The following ANKMY1 variants were observed in gnomAD, a reference collection of about 807,000 sequenced individuals.
ANKMY1 encodes the protein ankyrin repeat and MYND domain-containing protein 1.
ANKMY1 carries 98 observed loss-of-function variants against 102.0 expected under a neutral mutation model. The ratio of observed to expected loss-of-function variants is 0.96; its 90% CI spans 0.82 to 1.14. The LOEUF (loss-of-function observed/expected upper bound fraction) is 1.14, where lower values mean the gene tolerates loss of function less well. Ranked by LOEUF, ANKMY1 falls within the 50% of genes most tolerant of loss-of-function variation. ANKMY1 has a pLI of 0.00. For synonymous variants in ANKMY1, 582 were observed against 559.9 expected, an observed-to-expected ratio of 1.04 and a Z score of -0.56; for missense variants, 1,330 against 1,347.6, an observed-to-expected ratio of 0.99 and a Z score of 0.20.
In ANKMY1 at chr2:240,500,137, C is replaced by T; in HGVS notation, c.2641-14G>A. On this transcript the variant is annotated splice_polypyrimidine_tract_variant and intron_variant, in intron 14 of 17. Transcript: ENST00000401804. The stretch of plus-strand genomic sequence containing the variant: ...AATCCTCCGGTCCTGCGGCACAGCA[C>T]CAGGGTCACCACAGGGTCCCGGGCC... 2 of 1,580,896 alleles carry T rather than the reference C, an allele frequency of 1.3e-6. No individual in the cohort carries two copies. Among genetic ancestry groups the T allele is most frequent in the African/African-American group, 1.3e-5 (1 of 74,250 alleles).
At chr2:240,541,502 C>CT (rs556472606) in intron 4 of ANKMY1, among the ~76,000 whole-genome samples, 2,192 of 125,520 alleles carry the variant, frequency 0.017, 65 homozygotes, top group Admixed American at 0.042. Flanking sequence ...TATGTTGTTG[C>CT]TTTTTTTTTT....
At position 240,533,152 on chromosome 2, in the gene ANKMY1, T is replaced by A. The variant is rs570342791; in HGVS notation, c.481-3643A>T. Reference sequence around the variant, plus strand: ...CTAGAATTAGTGTATCAAGAATGCATGCTGTAATTTTTAGGGTGTTGCTAA... The same window carrying A: ...CTAGAATTAGTGTATCAAGAATGCAAGCTGTAATTTTTAGGGTGTTGCTAA... On this transcript the variant is annotated intron_variant, in intron 4 of 17. Coordinates refer to ENST00000401804, the MANE Select transcript of ANKMY1 (RefSeq NM_001282771.3). Among the ~76,000 whole-genome samples the A allele has an allele frequency of 3.7e-3, 568 of 152,374 alleles. 1 individual carries two copies. The highest frequency in any genetic ancestry group is 7.5e-3 in the Admixed American group (115 of 15,310).
chr2:240,529,405 G>A lies in ANKMY1; in HGVS notation c.585C>T (p.Cys195=). ...GGGAGAAGCCACTGGGGATCTGGGT[G>A]CACAGCTTGATGAGCTGCTCTCGGA... The part of the protein sequence containing the change: ...LWFREQLIKL[C]TQIPSGFSLL... The change falls in exon 5 of 18, where the codon TGC becomes TGT. Residue 195 remains cysteine (C), a synonymous_variant. Coordinates refer to ENST00000401804, the MANE Select transcript of ANKMY1 (RefSeq NM_001282771.3). The surrounding 1 kb of genome is among the most constrained non-coding windows in gnomAD (Gnocchi z 4.2). The A allele has an allele frequency of 6.2e-7, 1 of 1,614,162 alleles. No homozygotes were observed. Among genetic ancestry groups the A allele is most frequent in the Non-Finnish European group, 8.5e-7 (1 of 1,180,040 alleles).
chr2:240,516,958 C>G (rs538828140), intron 9 of ANKMY1, among the ~76,000 whole-genome samples: 41 of 152,278 alleles, frequency 2.7e-4, no homozygotes, highest in African/African-American at 8.9e-4. Context: ...GAAAGCTTTT[C>G]TCTTTTAAGC....
intron 9 of ANKMY1, chr2:240,519,637 G>A (rs575871402): frequency 1.3e-5 from 2 of 153,514 alleles, no homozygotes; most frequent in African/African-American, 4.8e-5. Flanking sequence ...CAGGAATCTG[G>A]GGCCAAGCAC....
In ANKMY1 at chr2:240,506,484, A is replaced by T. The variant is rs2152111817; in HGVS notation, c.2526+1076T>A. On this transcript the variant is annotated intron_variant, in intron 13 of 17. Coordinates refer to ENST00000401804, the MANE Select transcript of ANKMY1 (RefSeq NM_001282771.3). This position sits in a 1 kb window ranked among gnomAD's most constrained non-coding sequence, Gnocchi z 4.9. ...ACAGAACAGGGTCTTAGGAAGAAGG[A>T]CAGGAGACTTAAAATCAGATCTGGA... is the stretch of plus-strand genomic sequence containing the variant. Among the ~76,000 whole-genome samples the T allele has an allele frequency of 6.6e-6, 1 of 152,306 alleles. No individual in the cohort carries two copies. Among genetic ancestry groups the T allele is most frequent in the Non-Finnish European group, 1.5e-5 (1 of 68,026 alleles).
chr2:240,490,197 T>C (rs1026105770), intron 15 of ANKMY1, among the ~76,000 whole-genome samples: 2 of 152,222 alleles, frequency 1.3e-5, no homozygotes, highest in African/African-American at 4.8e-5. Context: ...TACCAGTTTA[T>C]CAATCTTGTT....
chr2:240,480,955 C>T lies in ANKMY1; in HGVS notation c.3028G>A (p.Gly1010Arg), dbSNP rs752297570. ...AWTEFHKKDC[G>R]DLVAIVTQLE... Reference sequence around the variant, plus strand: ...GACCTACCGATGGCCACCAGGTCCCCGCAGTCCTTCTTGTGGAACTCGGTC... The same window carrying T: ...GACCTACCGATGGCCACCAGGTCCCTGCAGTCCTTCTTGTGGAACTCGGTC... The change falls in exon 17 of 18, where the codon GGG (glycine) becomes AGG (arginine). Residue 1010 changes from glycine to arginine, a missense_variant. Coordinates refer to ENST00000401804, the MANE Select transcript of ANKMY1 (RefSeq NM_001282771.3). The T allele has an allele frequency of 1.9e-5, 31 of 1,611,664 alleles. No individual in the cohort carries two copies. The highest frequency in any genetic ancestry group is 5.3e-5 in the African/African-American group (4 of 74,908).
chr2:240,557,804 C>T (rs1218220731), intron 1 of ANKMY1, 77 bp downstream of exon 1: 5 of 922,108 alleles, frequency 5.4e-6, no homozygotes, highest in East Asian at 2.3e-4. Context: ...GCCTGGCGCC[C>T]CCCCGCACCC....
At position 240,520,254 on chromosome 2, in the gene ANKMY1, G is replaced by A; in HGVS notation, c.2004+108C>T. 2.0e-6 allele frequency: 3 copies of A among 1,473,396 alleles called. No individual in the cohort carries two copies. The South Asian group carries it at 3.8e-5, about 19-fold the overall frequency. 91.3% of individuals were successfully genotyped at this position (1,473,396 alleles called of 1,614,324 possible). A position where few individuals can be genotyped will look rare whatever the true frequency, so the allele number is the denominator to read the frequency against. ...TCACTCACAGCCCAGGTGGTCGCCT[G>A]CAAGAGCCCACCCCTCTCTTCCGCG... is the stretch of plus-strand genomic sequence containing the variant. On this transcript the variant is annotated intron_variant, in intron 9 of 17. Coordinates refer to ENST00000401804, the MANE Select transcript of ANKMY1 (RefSeq NM_001282771.3). This position sits in a 1 kb window ranked among gnomAD's most constrained non-coding sequence, Gnocchi z 4.8.
intron 4 of ANKMY1, among the ~76,000 whole-genome samples, chr2:240,545,570 G>A (rs2090172752): frequency 1.3e-5 from 2 of 152,178 alleles, no homozygotes; most frequent in Admixed American, 1.3e-4. Context: ...CCAAGCTACG[G>A]GAGGAAATTC....
intron 13 of ANKMY1, among the ~76,000 whole-genome samples, chr2:240,505,055 A>AC (rs397753549): frequency 6.6e-6 from 1 of 151,932 alleles, no homozygotes; most frequent in Non-Finnish European, 1.5e-5. Flanking sequence ...TATCAAAAAA[A>AC]CAGAAAATAA....
intron 15 of ANKMY1, among the ~76,000 whole-genome samples, chr2:240,497,031 C>G (rs182335605): frequency 1.3e-5 from 2 of 152,384 alleles, no homozygotes; most frequent in African/African-American, 2.4e-5. Flanking sequence ...TATTGCCCAT[C>G]ATAACCTCCA....
intron 4 of ANKMY1, among the ~76,000 whole-genome samples, chr2:240,533,108 T>C (rs908811954): frequency 1.3e-5 from 2 of 152,218 alleles, no homozygotes; most frequent in Admixed American, 1.3e-4. Context: ...TCCTGGAAAA[T>C]TAAACGTATC....
Position 240,557,251 on chromosome 2 carries a change from C to T in ANKMY1, c.85G>A (p.Gly29Ser), listed in dbSNP as rs1302893535. 6.3e-7 allele frequency: 1 copy of T among 1,594,846 alleles called. No homozygotes were observed. The highest frequency in any genetic ancestry group is 1.3e-5 in the African/African-American group (1 of 74,250). ...SRQRPLEGKG[G>S]ETPAAEEPGS... ...GGCTCCTCGGCAGCAGGGGTCTCGCCGCCCTTCCCCTCTAGCGGGCGTTGG... is the reference window on the plus strand; with the variant it reads ...GGCTCCTCGGCAGCAGGGGTCTCGCTGCCCTTCCCCTCTAGCGGGCGTTGG... Residue 29 changes from glycine to serine, a missense_variant, in exon 2 of 18, where the codon GGC becomes AGC. Coordinates refer to ENST00000401804, the MANE Select transcript of ANKMY1 (RefSeq NM_001282771.3).
intron 9 of ANKMY1, among the ~76,000 whole-genome samples, chr2:240,518,931 G>T (rs1358601602): frequency 6.6e-6 from 1 of 152,222 alleles, no homozygotes; most frequent in African/African-American, 2.4e-5. Flanking sequence ...AGACCCGCCT[G>T]CCCTCAAACA....
chr2:240,560,806 C>CGCGCGCGGGAG, upstream of ANKMY1: 2 of 1,441,924 alleles, frequency 1.4e-6, no homozygotes, highest in Non-Finnish European at 1.8e-6. Flanking sequence ...GAGCAGCTGG[C>CGCGCGCGGGAG]GCGCGCGGGA....
chr2:240,489,252 G>A (rs1396619911), intron 15 of ANKMY1, among the ~76,000 whole-genome samples: 15 of 152,038 alleles, frequency 9.9e-5, no homozygotes, highest in Admixed American at 7.9e-4. Context: ...TCAGGAGTTC[G>A]AGACTAGCCT....
intron 9 of ANKMY1, among the ~76,000 whole-genome samples, chr2:240,519,206 C>A (rs2081699764): frequency 6.6e-6 from 1 of 152,252 alleles, no homozygotes; most frequent in African/African-American, 2.4e-5. Context: ...GGAATCTTCA[C>A]AGCCACTGTG....
Sources: allele counts gnomAD v4.1 joint callset (sites outside exome capture counted in the v4.1 genomes callset), GRCh38; gene constraint gnomAD v4.1.1; non-coding constraint Gnocchi (gnomAD v3.1); transcripts MANE v1.5; gene names NCBI Gene and HGNC (gene_info 2026-07-23, HGNC 2026-07-21).